The following TANGO6 variants were observed in gnomAD, a reference collection of about 807,000 sequenced individuals.
The protein encoded by TANGO6 is transport and Golgi organization protein 6 homolog.
TANGO6 carries 90 observed loss-of-function variants against 114.2 expected under a neutral mutation model. That is an observed-to-expected ratio of 0.79 (90% CI 0.66 to 0.94). The LOEUF (loss-of-function observed/expected upper bound fraction) is 0.94. TANGO6 is among the 40% of genes least tolerant of loss of function. TANGO6 has a pLI of 0.00. For missense variants in TANGO6, 1,274 were observed against 1,315.3 expected (o/e 0.97, Z 0.49); for synonymous variants, 477 against 509.8 (o/e 0.94, Z 0.87).
intron 14 of TANGO6, among the ~76,000 whole-genome samples, chr16:68,930,572 G>A (rs950723101): frequency 1.3e-5 from 2 of 151,730 alleles, no homozygotes; most frequent in Admixed American, 1.3e-4. Flanking sequence ...AATTCAAGGA[G>A]GTAAAGAATG....
intron 8 of TANGO6, among the ~76,000 whole-genome samples, chr16:68,901,390 A>G (rs1962782488): frequency 6.6e-6 from 1 of 152,244 alleles, no homozygotes; most frequent in Non-Finnish European, 1.5e-5. Flanking sequence ...ACATCCTTGT[A>G]TCCCACAGCT....
At chr16:69,066,350 A>C (rs1960213384) in intron 17 of TANGO6, among the ~76,000 whole-genome samples, 1 of 152,102 alleles carries the variant, frequency 6.6e-6, no homozygotes. Flanking sequence ...GTTGGAGTGC[A>C]ATGGCGTGAT....
At chr16:68,979,111 G>T (rs1963796511) in intron 15 of TANGO6, among the ~76,000 whole-genome samples, 1 of 151,650 alleles carries the variant, frequency 6.6e-6, no homozygotes, top group Non-Finnish European at 1.5e-5. Flanking sequence ...ATAGAGATGG[G>T]GGTCTCGCTG....
In TANGO6 at chr16:69,072,061, G is replaced by GTA. The variant is rs1395320631; in HGVS notation, c.3109-11423_3109-11422insAT. Among the ~76,000 whole-genome samples, 5 of 145,098 alleles carry GTA rather than the reference G, an allele frequency of 3.4e-5. No individual in the cohort carries two copies. The East Asian group carries it at 9.9e-4, about 29-fold the overall frequency. The stretch of plus-strand genomic sequence containing the variant: ...TGTGTGTGTGTGTGTGTGTGTGTGT[G>GTA]TGTGTGTAGAGAGAGGGAGACCGTG... On this transcript the variant is annotated intron_variant, in intron 17 of 17. Transcript: ENST00000261778.
chr16:68,971,404 G>A (rs1438113626), intron 14 of TANGO6, among the ~76,000 whole-genome samples: 1 of 152,024 alleles, frequency 6.6e-6, no homozygotes, highest in Non-Finnish European at 1.5e-5. Flanking sequence ...CGAGTAGCTA[G>A]GACTACAGGC....
intron 17 of TANGO6, among the ~76,000 whole-genome samples, chr16:69,082,927 G>A (rs770335973): frequency 6.6e-6 from 1 of 151,994 alleles, no homozygotes; most frequent in Non-Finnish European, 1.5e-5. Flanking sequence ...ACTGAATAAA[G>A]GAGTCTGGGA....
chr16:68,910,128 T>C (rs1309897553), intron 11 of TANGO6, among the ~76,000 whole-genome samples: 1 of 152,224 alleles, frequency 6.6e-6, no homozygotes, highest in Non-Finnish European at 1.5e-5. Flanking sequence ...GGTTGGTCAA[T>C]AGGCAGTTGT....
At chr16:69,062,416 A>G (rs1164970898) in intron 17 of TANGO6, among the ~76,000 whole-genome samples, 1 of 152,118 alleles carries the variant, frequency 6.6e-6, no homozygotes, top group Non-Finnish European at 1.5e-5. Flanking sequence ...GCATCTTATT[A>G]TTATTAGATT....
intron 14 of TANGO6, among the ~76,000 whole-genome samples, chr16:68,931,926 C>T (rs1393059205): frequency 6.6e-6 from 1 of 152,064 alleles, no homozygotes; most frequent in Admixed American, 6.5e-5. Context: ...ACAATCTTGG[C>T]TCACTGCAAC....
chr16:69,054,857 C>T (rs1044940384), intron 17 of TANGO6, among the ~76,000 whole-genome samples: 5 of 142,210 alleles, frequency 3.5e-5, no homozygotes, highest in East Asian at 2.3e-4. Context: ...AGGAGAATGG[C>T]GTGAACCCGG....
At chr16:69,036,266 T>A (rs1321573999) in intron 16 of TANGO6, among the ~76,000 whole-genome samples, 1 of 152,272 alleles carries the variant, frequency 6.6e-6, no homozygotes, top group African/African-American at 2.4e-5. Context: ...ACTTCTAGTG[T>A]TGGACAAGGG....
At chr16:69,067,986 C>T (rs1457814778) in intron 17 of TANGO6, among the ~76,000 whole-genome samples, 2 of 119,808 alleles carry the variant, frequency 1.7e-5, no homozygotes, top group East Asian at 2.4e-4. Flanking sequence ...ACTAAAAATA[C>T]AAAAATTAGC....
intron 15 of TANGO6, among the ~76,000 whole-genome samples, chr16:68,998,772 G>A (rs972355226): frequency 2.6e-5 from 4 of 151,410 alleles, no homozygotes; most frequent in African/African-American, 9.7e-5. Context: ...ATAAGTTTTA[G>A]TCTTATTAAA....
At chr16:68,987,943 A>G (rs1237364526) in intron 15 of TANGO6, among the ~76,000 whole-genome samples, 1 of 152,102 alleles carries the variant, frequency 6.6e-6, no homozygotes, top group Admixed American at 6.6e-5. Flanking sequence ...TTTTCTATTC[A>G]TGTATCTCTT....
intron 12 of TANGO6, among the ~76,000 whole-genome samples, chr16:68,925,835 C>T (rs974098615): frequency 4.7e-5 from 7 of 148,948 alleles, no homozygotes; most frequent in African/African-American, 1.7e-4. Context: ...ATGTGCATGC[C>T]AGTTGTTCCA....
chr16:68,969,146 A>G lies in TANGO6; in HGVS notation c.2702-4882A>G, dbSNP rs116759189. Among the ~76,000 whole-genome samples, 1,427 of 152,250 alleles carry G rather than the reference A, an allele frequency of 9.4e-3. 20 individuals carry two copies. The highest frequency in any genetic ancestry group is 0.033 in the African/African-American group (1,352 of 41,542). ...CTAGTTTCCTACGGTCAGAGCAGAA[A>G]GAGGTCTCTCTCACACAATCCTTTG... On this transcript the variant is annotated intron_variant, in intron 14 of 17. Transcript: ENST00000261778.
intron 17 of TANGO6, among the ~76,000 whole-genome samples, chr16:69,065,031 A>G (rs1206491978): frequency 1.3e-5 from 2 of 152,188 alleles, no homozygotes; most frequent in Non-Finnish European, 2.9e-5. Flanking sequence ...AACACTCCCA[A>G]TCTCTTTTCT....
At chr16:68,966,581 G>A (rs1963647935) in intron 14 of TANGO6, among the ~76,000 whole-genome samples, 1 of 152,052 alleles carries the variant, frequency 6.6e-6, no homozygotes, top group African/African-American at 2.4e-5. Context: ...TTCAGAGTGT[G>A]TAACCATCAC....
At chr16:68,922,947 T>TTG (rs1354449517) in intron 12 of TANGO6, among the ~76,000 whole-genome samples, 1 of 138,914 alleles carries the variant, frequency 7.2e-6, no homozygotes, top group Non-Finnish European at 1.6e-5. Context: ...ATGTTTTTTT[T>TTG]TTTTTTTTTT....
Sources: gnomAD v4.1 joint callset for allele counts (sites outside exome capture counted in the v4.1 genomes callset) on GRCh38, gnomAD v4.1.1 for gene constraint, MANE v1.5 for transcripts, NCBI Gene and HGNC (gene_info 2026-07-23, HGNC 2026-07-21) for gene names.